PLCB4: variants seen among roughly 807,000 people sequenced by gnomAD.
The protein encoded by PLCB4 is 1-phosphatidylinositol 4,5-bisphosphate phosphodiesterase beta-4.
Under a neutral mutation model 178.8 loss-of-function variants are expected in PLCB4, and 77 were observed. The observed-to-expected ratio is 0.43, with a 90% CI of 0.36 to 0.52. The LOEUF is 0.52. Ranked by LOEUF, PLCB4 falls within the 20% of genes least tolerant of loss-of-function variation. The pLI is 0.00. For synonymous variants in PLCB4, 496 were observed against 490.8 expected (o/e 1.01, Z -0.14); for missense variants, 1,024 against 1,453.4 (o/e 0.70, Z 4.80).
At chr20:9,378,359 A>G (rs978541841) in intron 12 of PLCB4, among the ~76,000 whole-genome samples, 1 of 152,182 alleles carries the variant, frequency 6.6e-6, no homozygotes, top group Non-Finnish European at 1.5e-5. Flanking sequence ...TCCTTTATCC[A>G]TCTTCTACCA....
At chr20:9,172,784 A>G (rs550527868) in intron 2 of PLCB4, among the ~76,000 whole-genome samples, 4 of 152,272 alleles carry the variant, frequency 2.6e-5, no homozygotes, top group African/African-American at 9.6e-5. Context: ...CAGGAGGATT[A>G]TATTAAGGCA....
intron 3 of PLCB4, among the ~76,000 whole-genome samples, chr20:9,247,629 C>T (rs747331928): frequency 1.3e-5 from 2 of 152,156 alleles, no homozygotes; most frequent in African/African-American, 2.4e-5. Context: ...ATAGTGTAGT[C>T]TATGAATAAT....
chr20:9,175,926 T>C (rs1198514708), intron 2 of PLCB4, among the ~76,000 whole-genome samples: 1 of 152,076 alleles, frequency 6.6e-6, no homozygotes, highest in Non-Finnish European at 1.5e-5. Flanking sequence ...ATTGCGTGAG[T>C]CTTAGCAAAT....
intron 4 of PLCB4, among the ~76,000 whole-genome samples, chr20:9,324,400 T>C (rs2030046845): frequency 1.3e-5 from 2 of 152,026 alleles, no homozygotes; most frequent in African/African-American, 4.8e-5. Flanking sequence ...CACTCCAGCC[T>C]GGTGACACAG....
In PLCB4 at chr20:9,186,893, C is replaced by T. The variant is rs922760255; in HGVS notation, c.-78-30497C>T. ...TGGTTTGCCTGTCCTTTGCCTCAGACGCTGAGACCTCGGTGCCCTGGCCAC... is the reference window on the plus strand; with the variant it reads ...TGGTTTGCCTGTCCTTTGCCTCAGATGCTGAGACCTCGGTGCCCTGGCCAC... On this transcript the variant is annotated intron_variant, in intron 2 of 39. Transcript: ENST00000378473. Among the ~76,000 whole-genome samples, 6 of 152,138 alleles carry T rather than the reference C, an allele frequency of 3.9e-5. No homozygotes were observed. In the South Asian group the frequency reaches 8.3e-4, roughly 21 times the overall value.
chr20:9,167,790 G>A (rs1310261858), intron 2 of PLCB4, among the ~76,000 whole-genome samples: 1 of 152,092 alleles, frequency 6.6e-6, no homozygotes, highest in Non-Finnish European at 1.5e-5. Context: ...TCATATTTGC[G>A]TACTTTATTT....
intron 2 of PLCB4, among the ~76,000 whole-genome samples, chr20:9,141,703 T>A (rs2092494940): frequency 6.6e-6 from 1 of 152,070 alleles, no homozygotes; most frequent in South Asian, 2.1e-4. Context: ...ACCCAGGAAT[T>A]ATGGCATGCG....
At chr20:9,256,012 C>G (rs1239179803) in intron 3 of PLCB4, among the ~76,000 whole-genome samples, 1 of 151,918 alleles carries the variant, frequency 6.6e-6, no homozygotes, top group East Asian at 1.9e-4. Flanking sequence ...AGTAAGGGAT[C>G]AAGAGTGTGT....
chr20:9,207,779 C>T (rs1342935136), intron 2 of PLCB4, among the ~76,000 whole-genome samples: 1 of 152,100 alleles, frequency 6.6e-6, no homozygotes, highest in East Asian at 1.9e-4. Flanking sequence ...CATAATCTCT[C>T]AATTTCAAAA....
At chr20:9,162,090 C>T (rs959931923) in intron 2 of PLCB4, among the ~76,000 whole-genome samples, 8 of 152,068 alleles carry the variant, frequency 5.3e-5, no homozygotes, top group East Asian at 1.9e-4. Flanking sequence ...TTTAGTTTCA[C>T]GATTCATTAG....
chr20:9,238,173 G>T (rs901267210), intron 3 of PLCB4, among the ~76,000 whole-genome samples: 1 of 152,182 alleles, frequency 6.6e-6, no homozygotes, highest in Non-Finnish European at 1.5e-5. Flanking sequence ...AAGTATGGAG[G>T]TATGGCTGTT....
chr20:9,441,337 G>C (rs1463946476), intron 30 of PLCB4, among the ~76,000 whole-genome samples: 2 of 152,120 alleles, frequency 1.3e-5, no homozygotes, highest in Non-Finnish European at 2.9e-5. Context: ...GGATTGGGGT[G>C]GGGTGGGGAA....
chr20:9,342,192 T>C (rs1010207484), intron 7 of PLCB4, among the ~76,000 whole-genome samples: 2 of 152,202 alleles, frequency 1.3e-5, no homozygotes, highest in African/African-American at 2.4e-5. Context: ...TTCCTCTATA[T>C]GTGTTTCTAT....
rs527869442 is a variant in PLCB4 at position 9,214,663 on chromosome 20, A to G, written c.-78-2727A>G. Among the ~76,000 whole-genome samples, 209 of 152,050 alleles carry G rather than the reference A, an allele frequency of 1.4e-3. 1 individual carries two copies. Among genetic ancestry groups the G allele is most frequent in the African/African-American group, 4.7e-3 (196 of 41,466 alleles). ...TACCAAAGCCCCATGTAATCCCTTC[A>G]TGACCCAGAATAATAGTATTTGAAA... On this transcript the variant is annotated intron_variant, in intron 2 of 39. Transcript: ENST00000378473.
chr20:9,286,097 A>G (rs1414593512), intron 3 of PLCB4, among the ~76,000 whole-genome samples: 1 of 152,006 alleles, frequency 6.6e-6, no homozygotes, highest in Non-Finnish European at 1.5e-5. Flanking sequence ...TTACCATTAA[A>G]AGGAATCCAT....
At chr20:9,157,234 G>C (rs2092807597) in intron 2 of PLCB4, among the ~76,000 whole-genome samples, 1 of 149,188 alleles carries the variant, frequency 6.7e-6, no homozygotes, top group Admixed American at 6.7e-5. Context: ...AAAAAAAAAA[G>C]ATAAATAAGA....
At chr20:9,159,861 T>C (rs1267412951) in intron 2 of PLCB4, among the ~76,000 whole-genome samples, 2 of 152,224 alleles carry the variant, frequency 1.3e-5, no homozygotes, top group Non-Finnish European at 2.9e-5. Context: ...CATAGCAAGA[T>C]ATTAACTGTG....
At chr20:9,409,668 A>T (rs2039715552) in intron 24 of PLCB4, among the ~76,000 whole-genome samples, 1 of 152,198 alleles carries the variant, frequency 6.6e-6, no homozygotes, top group African/African-American at 2.4e-5. Flanking sequence ...TGCCACTAAA[A>T]TGGTATATAA....
Position 9,354,558 on chromosome 20 carries a change from C to T in PLCB4, c.370-8338C>T, listed in dbSNP as rs542292315. Among the ~76,000 whole-genome samples the T allele has an allele frequency of 5.3e-5, 8 of 152,318 alleles. No homozygotes were observed. In the South Asian group the frequency reaches 1.7e-3, roughly 32 times the overall value. ...TTGGGATAGGGCCTGAGAATGGGCA[C>T]TTCCGGTAAATTCCTATGAGATGCT... On this transcript the variant is annotated intron_variant, in intron 7 of 39. Coordinates refer to ENST00000378473, the MANE Select transcript of PLCB4 (RefSeq NM_001377142.1).
Sources: allele counts gnomAD v4.1 joint callset (sites outside exome capture counted in the v4.1 genomes callset), GRCh38; gene constraint gnomAD v4.1.1; transcripts MANE v1.5; gene names NCBI Gene and HGNC (gene_info 2026-07-23, HGNC 2026-07-21).